Variants in ATM observed in about 807,000 individuals in gnomAD.
ATM encodes ATM serine/threonine kinase.
In ATM, 308 loss-of-function variants were observed where a neutral mutation model predicts 387.0. The observed-to-expected ratio is 0.80, with a 90% CI of 0.73 to 0.87. The LOEUF is 0.87. Ranked by LOEUF, ATM falls within the 40% of genes least tolerant of loss-of-function variation. ATM has a pLI of 0.00. For synonymous variants in ATM, 1,156 were observed against 1,187.3 expected (o/e 0.97, Z 0.54); for missense variants, 3,312 against 3,560.9 (o/e 0.93, Z 1.78).
Position 108,267,221 on chromosome 11 carries a change from A to T in ATM, c.2517A>T (p.Glu839Asp), listed in dbSNP as rs1060501697. The change falls in exon 17 of 63, where the codon GAA (glutamate) becomes GAT (aspartate). Residue 839 changes from glutamate to aspartate, a missense_variant. Coordinates refer to ENST00000675843, the MANE Select transcript of ATM (RefSeq NM_000051.4). ...ACCGTGGAGAAGTAGAATCAATGGA[A>T]GATGATACTAATGGAAATCTAATGG... ...PFDRGEVESM[E>D]DDTNGNLMEV... The T allele has an allele frequency of 1.9e-6, 3 of 1,614,128 alleles. No individual in the cohort carries two copies. The highest frequency in any genetic ancestry group is 1.7e-5 in the Admixed American group (1 of 60,022).
rs768321973 is a variant in ATM, at chr11:108,299,696, T to A, written c.5006-18T>A. The A allele has an allele frequency of 2.8e-5, 45 of 1,612,044 alleles. No homozygotes were observed. The highest frequency in any genetic ancestry group is 6.7e-5 in the Admixed American group (4 of 59,986). ...TCTCTTACCTATGACTCTACTGAAA[T>A]AGAATTTCTATATGTAGAGGCTGTT... On this transcript the variant is annotated intron_variant, in intron 33 of 62. Coordinates refer to ENST00000675843, the MANE Select transcript of ATM (RefSeq NM_000051.4).
In ATM at chr11:108,368,829, A is replaced by G. The variant is rs2091461285; in HGVS notation, c.*3321A>G. 2 of 203,844 alleles carry G rather than the reference A, an allele frequency of 9.8e-6. No individual in the cohort carries two copies. The highest frequency in any genetic ancestry group is 2.0e-5 in the Non-Finnish European group (2 of 99,306). 12.6% of individuals were successfully genotyped at this position (203,844 alleles called of 1,614,324 possible). ...TCATTATAGTATATGCCTAAAATGTATGCACTTAGGAATGCTAAAAATTTA... is the reference window on the plus strand; with the variant it reads ...TCATTATAGTATATGCCTAAAATGTGTGCACTTAGGAATGCTAAAAATTTA... On this transcript the variant is annotated 3_prime_UTR_variant, in exon 63 of 63. Coordinates refer to ENST00000675843, the MANE Select transcript of ATM (RefSeq NM_000051.4).
chr11:108,227,956 A>G, intron 3 of ATM, 68 bp downstream of exon 3: 1 of 1,335,278 alleles, frequency 7.5e-7, no homozygotes, highest in South Asian at 1.2e-5. Flanking sequence ...TTGTGATATT[A>G]CTTTTGTGTG....
chr11:108,264,742 C>T (rs1437620881), intron 16 of ATM, among the ~76,000 whole-genome samples: 9 of 131,756 alleles, frequency 6.8e-5, no homozygotes, highest in African/African-American at 2.7e-4. Flanking sequence ...CCCACTGTCT[C>T]AGCCCAAAAT....
Position 108,250,866 on chromosome 11 carries a change from C to T in ATM, c.1401C>T (p.Asp467=). 6.2e-7 allele frequency: 1 copy of T among 1,614,042 alleles called. No individual in the cohort carries two copies. The highest frequency in any genetic ancestry group is 8.5e-7 in the Non-Finnish European group (1 of 1,179,990). The change falls in exon 10 of 63, where the codon GAC becomes GAT. Residue 467 remains aspartate (D), a synonymous_variant. Transcript: ENST00000675843. Reference sequence around the variant, plus strand: ...TTACGGAAGTTGCATTGTGTCAAGACAAGAGGTCAAACCTAGAAAGCTCAC... The same window carrying T: ...TTACGGAAGTTGCATTGTGTCAAGATAAGAGGTCAAACCTAGAAAGCTCAC... ...RCLTEVALCQ[D]KRSNLESSQK...
chr11:108,286,336 A>G (rs1448420766), intron 26 of ATM, among the ~76,000 whole-genome samples: 3 of 151,126 alleles, frequency 2.0e-5, no homozygotes, highest in East Asian at 3.9e-4. Context: ...AAAAAAAAAA[A>G]AAGAATTGTA....
intron 29 of ATM, among the ~76,000 whole-genome samples, chr11:108,291,869 T>C (rs543603277): frequency 1.3e-5 from 2 of 152,330 alleles, no homozygotes; most frequent in East Asian, 3.9e-4. Context: ...GAGTCTTATC[T>C]TGAGCATGTG....
At chr11:108,271,227 ACTT>A (rs1238692556) in intron 19 of ATM, 21 bp from the exon 20 acceptor site, 10 of 1,567,286 alleles carry the variant, frequency 6.4e-6, no homozygotes, top group Non-Finnish European at 7.9e-6. Context: ...ATAAAGTTGA[ACTT>A]TTTTTTTTTT....
chr11:108,227,457 GCCT>G, intron 1 of ATM, 135 bp from the exon 2 acceptor site: 1 of 569,490 alleles, frequency 1.8e-6, no homozygotes, highest in Non-Finnish European at 3.1e-6. Context: ...ACCAGAATGT[GCCT>G]CTAATTGTAC....
At chr11:108,242,271 A>G (rs923598659) in intron 5 of ATM, among the ~76,000 whole-genome samples, 2 of 152,338 alleles carry the variant, frequency 1.3e-5, no homozygotes, top group South Asian at 4.1e-4. Flanking sequence ...TCAAAACCAT[A>G]CATTATCAAA....
chr11:108,288,087 T>G (rs1418327458), intron 27 of ATM, among the ~76,000 whole-genome samples: 2 of 152,062 alleles, frequency 1.3e-5, no homozygotes, highest in East Asian at 3.9e-4. Context: ...TTTTTTTTTT[T>G]GAGATGGAGT....
intron 13 of ATM, among the ~76,000 whole-genome samples, chr11:108,255,454 CT>C (rs1398944539): frequency 4.5e-5 from 5 of 111,232 alleles, no homozygotes; most frequent in African/African-American, 1.8e-4. Flanking sequence ...GAGATGGAGT[CT>C]TGCTCTGTTG....
chr11:108,292,897 G>A, intron 30 of ATM, 104 bp downstream of exon 30: 1 of 1,374,918 alleles, frequency 7.3e-7, no homozygotes, highest in Non-Finnish European at 1.0e-6. Flanking sequence ...TGATTTTATT[G>A]AGAATATTTT....
At chr11:108,267,977 A>G (rs1485201972) in intron 17 of ATM, among the ~76,000 whole-genome samples, 2 of 152,374 alleles carry the variant, frequency 1.3e-5, no homozygotes, top group East Asian at 3.9e-4. Flanking sequence ...GAAACATTCA[A>G]AATTGTAGTC....
intron 45 of ATM, among the ~76,000 whole-genome samples, chr11:108,324,963 TAAAGATGGA>T (rs1371914125): frequency 6.6e-6 from 1 of 152,204 alleles, no homozygotes; most frequent in Non-Finnish European, 1.5e-5. Context: ...GAAGCAGGAC[TAAAGATGGA>T]GGCATTCTTT....
intron 40 of ATM, among the ~76,000 whole-genome samples, chr11:108,315,010 T>A (rs1436140389): frequency 6.6e-6 from 1 of 152,228 alleles, no homozygotes; most frequent in Non-Finnish European, 1.5e-5. Context: ...ATGGCATGAC[T>A]TTTCTCTGCA....
intron 13 of ATM, among the ~76,000 whole-genome samples, chr11:108,254,441 A>C (rs2135376791): frequency 6.6e-6 from 1 of 152,330 alleles, no homozygotes; most frequent in African/African-American, 2.4e-5. Flanking sequence ...TGATTAGTAA[A>C]GACAATAAAT....
At chr11:108,269,236 G>A in intron 18 of ATM, among the ~76,000 whole-genome samples, 1 of 152,142 alleles carries the variant, frequency 6.6e-6, no homozygotes, top group East Asian at 1.9e-4. Context: ...ATTTAGGTGT[G>A]TAGTCTGTTT....
At position 108,235,978 on chromosome 11, in the gene ATM, C is replaced by A. The variant is rs2079258449; in HGVS notation, c.496+144C>A. 7.1e-6 allele frequency: 6 copies of A among 850,850 alleles called. No homozygotes were observed. The South Asian group carries it at 8.9e-5, about 13-fold the overall frequency. The allele number at this position is 850,850 out of a possible 1,614,324, so 52.7% of individuals were successfully genotyped here. A position where few individuals can be genotyped will look rare whatever the true frequency, so the allele number is the denominator to read the frequency against. On this transcript the variant is annotated intron_variant, in intron 5 of 62. Transcript: ENST00000675843. ...TTAGTAAAATTATATGGTTATCGAA[C>A]TGACCCTTAATTTTTATTTATTATG...
Sources: allele counts gnomAD v4.1 joint callset (sites outside exome capture counted in the v4.1 genomes callset), GRCh38; gene constraint gnomAD v4.1.1; transcripts MANE v1.5; gene names NCBI Gene and HGNC (gene_info 2026-07-23, HGNC 2026-07-21).